Variants in SLC23A3 observed in about 807,000 individuals in gnomAD.
SLC23A3 encodes E2-binding protein 3.
SLC23A3 carries 41 observed loss-of-function variants against 64.7 expected under a neutral mutation model. That is an observed-to-expected ratio of 0.63 (90% confidence interval 0.49 to 0.82). The LOEUF is 0.82. SLC23A3 is among the 40% of genes least tolerant of loss of function. The pLI is 0.00. For missense variants in SLC23A3, 647 were observed against 733.4 expected, an observed-to-expected ratio of 0.88 and a Z score of 1.36; for synonymous variants, 281 against 306.8, an observed-to-expected ratio of 0.92 and a Z score of 0.88.
chr2:219,164,156 G>T, intron 9 of SLC23A3, 77 bp downstream of exon 9: 1 of 928,766 alleles, frequency 1.1e-6, no homozygotes, highest in African/African-American at 1.6e-5. Flanking sequence ...GAAGGAAAGG[G>T]TGCCATCCTA....
Position 219,169,433 on chromosome 2 carries a change from C to A in SLC23A3, c.321-27G>T. ...TGTAGGAACAGCAGCCCCAGCAGGT[C>A]TGGGACTATGTGGCAGCCAGCAAGG... On this transcript the variant is annotated intron_variant, in intron 2 of 11. Coordinates refer to ENST00000409878, the MANE Select transcript of SLC23A3 (RefSeq NM_001144889.2). This position sits in a 1 kb window ranked among gnomAD's most constrained non-coding sequence, Gnocchi z 4.5. 6.2e-7 allele frequency: 1 copy of A among 1,614,054 alleles called. No homozygotes were observed.
At chr2:219,163,624 C>G in intron 9 of SLC23A3, 69 bp from the exon 10 acceptor site, 1 of 1,348,600 alleles carries the variant, frequency 7.4e-7, no homozygotes, top group Non-Finnish European at 1.0e-6. Context: ...TGGAGTATTG[C>G]AGGGCAAGCA....
intron 7 of SLC23A3, among the ~76,000 whole-genome samples, chr2:219,167,095 A>G (rs142198704): frequency 6.6e-6 from 1 of 152,212 alleles, no homozygotes; most frequent in Non-Finnish European, 1.5e-5. Context: ...CCGTCTCTAC[A>G]AAACAACACA....
intron 10 of SLC23A3, among the ~76,000 whole-genome samples, 197 bp downstream of exon 10, chr2:219,163,191 C>A (rs985102510): frequency 2.0e-5 from 3 of 152,254 alleles, no homozygotes; most frequent in African/African-American, 7.2e-5. Flanking sequence ...CATCTCATCT[C>A]TTGTACTACG....
intron 5 of SLC23A3, 131 bp downstream of exon 5, chr2:219,168,521 G>C: frequency 1.7e-6 from 2 of 1,144,790 alleles, no homozygotes; most frequent in East Asian, 5.2e-5. Flanking sequence ...GAAAAGTCTT[G>C]GATTCCAAAT....
At chr2:219,163,657 A>C (rs1949972438) in intron 9 of SLC23A3, 102 bp from the exon 10 acceptor site, 4 of 1,133,306 alleles carry the variant, frequency 3.5e-6, no homozygotes, top group Non-Finnish European at 5.1e-6. Context: ...AAACAAATAA[A>C]ACCCAAGAGA....
At position 219,168,180 on chromosome 2, in the gene SLC23A3, C is replaced by G. The variant is rs746706662; in HGVS notation, c.798+15G>C. 14 of 1,613,130 alleles carry G rather than the reference C, an allele frequency of 8.7e-6. No homozygotes were observed. In the East Asian group the frequency reaches 2.7e-4, roughly 31 times the overall value. ...CCCTTCTGACCTCTACTGCCCTGCC[C>G]AGACCCACACATACCGAAAGGAGCC... is the stretch of plus-strand genomic sequence containing the variant. On this transcript the variant is annotated intron_variant, in intron 6 of 11. Transcript: ENST00000409878.
In SLC23A3 at chr2:219,162,084, A is replaced by G. The variant is rs1435839581; in HGVS notation, c.1658T>C (p.Ile553Thr). 2 of 1,614,030 alleles carry G rather than the reference A, an allele frequency of 1.2e-6. No homozygotes were observed. The highest frequency in any genetic ancestry group is 2.7e-5 in the African/African-American group (2 of 74,926). ...AAQVYRLPFP[I>T]QNLCPCIPQP... Reference sequence around the variant, plus strand: ...GGGGATGCAGGGACAGAGGTTTTGGATGGGGAAAGGAAGTCTGTACACTTG... The same window carrying G: ...GGGGATGCAGGGACAGAGGTTTTGGGTGGGGAAAGGAAGTCTGTACACTTG... Residue 553 changes from isoleucine (I) to threonine (T), a missense_variant, in exon 12 of 12, where the codon ATC becomes ACC. Ile to Thr is a moderately conservative substitution (Grantham distance 89). Coordinates refer to ENST00000409878, the MANE Select transcript of SLC23A3 (RefSeq NM_001144889.2).
At chr2:219,164,553 T>C (rs973826806) in intron 8 of SLC23A3, 2 of 491,274 alleles carry the variant, frequency 4.1e-6, no homozygotes, top group Non-Finnish European at 7.2e-6. Context: ...TTCTTCACTT[T>C]TCTTTTTTTA....
At chr2:219,164,646 G>A in intron 8 of SLC23A3, 1 of 274,268 alleles carries the variant, frequency 3.6e-6, no homozygotes, top group Non-Finnish European at 6.9e-6. Flanking sequence ...AGCAACCTCT[G>A]CCTCCCAGGC....
At position 219,169,192 on chromosome 2, in the gene SLC23A3, C is replaced by A; in HGVS notation, c.419-90G>T. The A allele has an allele frequency of 6.2e-7, 1 of 1,606,842 alleles. No individual in the cohort carries two copies. The highest frequency in any genetic ancestry group is 8.5e-7 in the Non-Finnish European group (1 of 1,174,356). On this transcript the variant is annotated intron_variant, in intron 3 of 11. Coordinates refer to ENST00000409878, the MANE Select transcript of SLC23A3 (RefSeq NM_001144889.2). The surrounding 1 kb of genome is among the most constrained non-coding windows in gnomAD (Gnocchi z 4.5). ...TCCCACTCCTGGCACAGGTCCAAGC[C>A]CCCTATAGTGTCACAGTCTCACCAC...
intron 7 of SLC23A3, 47 bp downstream of exon 7, chr2:219,167,883 G>T: frequency 7.3e-7 from 1 of 1,371,970 alleles, no homozygotes; most frequent in Non-Finnish European, 1.0e-6. Context: ...AGTTCAAATA[G>T]ATACCTTTAT....
In SLC23A3 at chr2:219,168,325, G is replaced by T; in HGVS notation, c.675-7C>A. The T allele has an allele frequency of 1.3e-6, 2 of 1,590,624 alleles. No individual in the cohort carries two copies. The highest frequency in any genetic ancestry group is 1.1e-5 in the South Asian group (1 of 87,984). ...CACCATGAGCAGGATAACCCTAGGA[G>T]ACAGAAGGCTTTAGGAGCAAGAGGC... is the stretch of plus-strand genomic sequence containing the variant. On this transcript the variant is annotated splice_region_variant and splice_polypyrimidine_tract_variant and intron_variant, in intron 5 of 11. Coordinates refer to ENST00000409878, the MANE Select transcript of SLC23A3 (RefSeq NM_001144889.2).
Position 219,161,949 on chromosome 2 carries a change from C to A in SLC23A3, c.1793G>T (p.Cys598Phe). The A allele has an allele frequency of 6.2e-7, 1 of 1,603,170 alleles. No homozygotes were observed. The highest frequency in any genetic ancestry group is 8.5e-7 in the Non-Finnish European group (1 of 1,174,034). ...ADLLPGSGEP[C>F]PESSREGFRS... Reference sequence around the variant, plus strand: ...AAACCCTTCTCTGCTAGATTCAGGGCATGGCTCCCCTGAGCCAGGCAGCAA... The same window carrying A: ...AAACCCTTCTCTGCTAGATTCAGGGAATGGCTCCCCTGAGCCAGGCAGCAA... The change falls in exon 12 of 12, where the codon TGC becomes TTC. Residue 598 changes from cysteine to phenylalanine, a missense_variant. Coordinates refer to ENST00000409878, the MANE Select transcript of SLC23A3 (RefSeq NM_001144889.2).
At position 219,162,007 on chromosome 2, in the gene SLC23A3, C is replaced by A. The variant is rs1949948448; in HGVS notation, c.1735G>T (p.Gly579Ter). ...PLPEDPGDEE[G>*]GSSEPEEMAD... ...ATCTCTTCTGGCTCAGAGGAGCCTC[C>A]TTCCTCATCCCCAGGGTCTTCAGGC... Residue 579 changes from glycine to a stop codon, truncating the protein, a stop_gained, in exon 12 of 12, where the codon GGA (glycine) becomes TGA (stop). Coordinates refer to ENST00000409878, the MANE Select transcript of SLC23A3 (RefSeq NM_001144889.2). LOFTEE classifies it high-confidence loss of function. 1.9e-6 allele frequency: 3 copies of A among 1,613,990 alleles called. No individual in the cohort carries two copies. Among genetic ancestry groups the A allele is most frequent in the Non-Finnish European group, 2.5e-6 (3 of 1,180,008 alleles).
Position 219,165,361 on chromosome 2 carries a change from C to G in SLC23A3, c.975G>C (p.Leu325Phe). Residue 325 changes from leucine to phenylalanine, a missense_variant, in exon 8 of 12, where the codon TTG becomes TTC. Coordinates refer to ENST00000409878, the MANE Select transcript of SLC23A3 (RefSeq NM_001144889.2). The stretch of plus-strand genomic sequence containing the variant: ...AGCCCAGGGAACTGGTGGAGGCTGC[C>G]AAGGCCATGGAGATGCCTGCAGCCA... ...RALAAGISMA[L>F]AASTSSLGCY... 6.4e-7 allele frequency: 1 copy of G among 1,551,392 alleles called. No individual in the cohort carries two copies.
chr2:219,164,412 T>G, intron 8 of SLC23A3, 74 bp from the exon 9 acceptor site: 1 of 964,676 alleles, frequency 1.0e-6, no homozygotes, highest in Non-Finnish European at 1.6e-6. Flanking sequence ...TACTGGTTCC[T>G]TCTCATCATT....
chr2:219,163,686 GT>G (rs1006788202), intron 9 of SLC23A3, 131 bp from the exon 10 acceptor site: 3 of 914,230 alleles, frequency 3.3e-6, no homozygotes, highest in East Asian at 2.6e-5. Flanking sequence ...TGTTTTTTTT[GT>G]TTTTTTGTTT....
At position 219,168,185 on chromosome 2, in the gene SLC23A3, C is replaced by A; in HGVS notation, c.798+10G>T. ...CTGACCTCTACTGCCCTGCCCAGACCCACACATACCGAAAGGAGCCGGAAG... is the reference window on the plus strand; with the variant it reads ...CTGACCTCTACTGCCCTGCCCAGACACACACATACCGAAAGGAGCCGGAAG... On this transcript the variant is annotated intron_variant, in intron 6 of 11. Coordinates refer to ENST00000409878, the MANE Select transcript of SLC23A3 (RefSeq NM_001144889.2). 1 of 1,613,412 alleles carries A rather than the reference C, an allele frequency of 6.2e-7. No individual in the cohort carries two copies. Among genetic ancestry groups the A allele is most frequent in the East Asian group, 2.2e-5 (1 of 44,878 alleles).
Sources: allele counts gnomAD v4.1 joint callset (sites outside exome capture counted in the v4.1 genomes callset), GRCh38; gene constraint gnomAD v4.1.1; non-coding constraint Gnocchi (gnomAD v3.1); transcripts MANE v1.5; gene names NCBI Gene and HGNC (gene_info 2026-07-23, HGNC 2026-07-21).